AGAP1: variants seen among roughly 807,000 people sequenced by gnomAD.
The protein encoded by AGAP1 is ArfGAP with GTPase domain, ankyrin repeat and PH domain 1.
In AGAP1, 29 loss-of-function variants were observed where a neutral mutation model predicts 105.3. That is an observed-to-expected ratio of 0.28 (90% CI 0.21 to 0.38). The LOEUF is 0.38. AGAP1 is among the 10% of genes least tolerant of loss of function. The pLI, the probability that AGAP1 is intolerant of heterozygous loss-of-function variation, is 1.00. For synonymous variants in AGAP1, 509 were observed against 485.9 expected (o/e 1.05, Z -0.63); for missense variants, 998 against 1,165.1 (o/e 0.86, Z 2.09).
rs577728375 is a variant in AGAP1, at chr2:235,792,618, G to T, written c.674-5141G>T. 4.6e-5 allele frequency among the ~76,000 whole-genome samples: 7 copies of T among 152,316 alleles called. No individual in the cohort carries two copies. The South Asian group carries it at 1.4e-3, about 32-fold the overall frequency. ...AGACCAAGGCAGTGGCAGTGAAGAC[G>T]AATTTCTGAGAAACTCTGGTGGTTG... is the stretch of plus-strand genomic sequence containing the variant. On this transcript the variant is annotated intron_variant, in intron 6 of 17. Transcript: ENST00000304032. This position sits in a 1 kb window ranked among gnomAD's most constrained non-coding sequence, Gnocchi z 5.3.
chr2:235,852,765 C>T, intron 9 of AGAP1: 3 of 1,528,590 alleles, frequency 2.0e-6, no homozygotes, highest in South Asian at 2.5e-5. Flanking sequence ...CAGTCCTCCC[C>T]CTGGCCAGGG....
intron 1 of AGAP1, among the ~76,000 whole-genome samples, chr2:235,503,441 A>G (rs1008907324): frequency 9.2e-5 from 14 of 151,996 alleles, no homozygotes; most frequent in Admixed American, 1.3e-4. Flanking sequence ...TTGGGAGGGG[A>G]TGGTGTGATT....
intron 8 of AGAP1, among the ~76,000 whole-genome samples, chr2:235,802,983 A>ATGGTGGTGATGGTTG (rs1559506278): frequency 1.5e-5 from 2 of 130,574 alleles, no homozygotes; most frequent in African/African-American, 6.0e-5. Flanking sequence ...TGTGGTTGTG[A>ATGGTGGTGATGGTTG]TGGTTGTGAT....
chr2:235,968,091 G>A (rs534746067), intron 12 of AGAP1, among the ~76,000 whole-genome samples: 22 of 152,278 alleles, frequency 1.4e-4, no homozygotes, highest in African/African-American at 3.9e-4. Flanking sequence ...TAAATGCATC[G>A]TTTTCATTTC....
At chr2:236,103,477 CTTGT>C (rs1036886861) in intron 16 of AGAP1, among the ~76,000 whole-genome samples, 7 of 152,278 alleles carry the variant, frequency 4.6e-5, no homozygotes, top group South Asian at 2.1e-4. Context: ...TCCTGGGCCC[CTTGT>C]TTGTTTGTCT....
intron 1 of AGAP1, among the ~76,000 whole-genome samples, chr2:235,532,820 C>G (rs1348365516): frequency 1.3e-5 from 2 of 152,194 alleles, no homozygotes; most frequent in East Asian, 3.9e-4. Flanking sequence ...CCGTGCCATT[C>G]CCTCCTGGCA....
At chr2:235,543,122 C>CGTTGGGTGTTGGGT (rs543153121) in intron 1 of AGAP1, among the ~76,000 whole-genome samples, 11 of 143,122 alleles carry the variant, frequency 7.7e-5, no homozygotes, top group East Asian at 2.0e-4. Flanking sequence ...CCCTGCCCCT[C>CGTTGGGTGTTGGGT]GTTGGGTGTT....
intron 16 of AGAP1, among the ~76,000 whole-genome samples, chr2:236,108,526 C>A (rs1476861048): frequency 1.3e-5 from 2 of 152,164 alleles, no homozygotes; most frequent in African/African-American, 2.4e-5. Flanking sequence ...CACCTGTTGG[C>A]GGGGGCAGGG....
Position 235,799,464 on chromosome 2 carries a change from C to T in AGAP1, c.899C>T (p.Thr300Ile), listed in dbSNP as rs189491188. Residue 300 changes from threonine (T) to isoleucine (I), a missense_variant, in exon 8 of 18, where the codon ACT becomes ATT. Thr to Ile is a moderately conservative substitution (Grantham distance 89, BLOSUM62 -1). Transcript: ENST00000304032. This position sits in a 1 kb window ranked among gnomAD's most constrained non-coding sequence, Gnocchi z 5.0. ...GAACTTCGGATCGATGTTCCTCCCA[C>T]TGCCAACACGCCCACGCCCGTTCGC... Reference protein sequence around the residue: ...QKELRIDVPPTANTPTPVRKQ... With the variant: ...QKELRIDVPPIANTPTPVRKQ... The T allele has an allele frequency of 1.2e-6, 2 of 1,614,244 alleles. No homozygotes were observed. The highest frequency in any genetic ancestry group is 1.7e-5 in the Admixed American group (1 of 60,036).
At chr2:235,508,955 C>T (rs750128527) in intron 1 of AGAP1, among the ~76,000 whole-genome samples, 4 of 152,286 alleles carry the variant, frequency 2.6e-5, no homozygotes, top group African/African-American at 7.2e-5. Flanking sequence ...CCGAGTGTGT[C>T]GCCAAACTCC....
Position 235,725,601 on chromosome 2 carries a change from T to C in AGAP1, c.310+7957T>C, listed in dbSNP as rs764804204. On this transcript the variant is annotated intron_variant, in intron 3 of 17. Coordinates refer to ENST00000304032, the MANE Select transcript of AGAP1 (RefSeq NM_001037131.3). The surrounding 1 kb of genome is among the most constrained non-coding windows in gnomAD (Gnocchi z 5.7). ...TTTTCAACCTCAATTTGACCGTTAG[T>C]TGCAACCAAGTGATTATAAACACAT... Among the ~76,000 whole-genome samples the C allele has an allele frequency of 5.9e-5, 9 of 152,208 alleles. No individual in the cohort carries two copies. The highest frequency in any genetic ancestry group is 8.8e-5 in the Non-Finnish European group (6 of 68,042).
intron 9 of AGAP1, among the ~76,000 whole-genome samples, chr2:235,836,146 A>T (rs753474603): frequency 6.6e-6 from 1 of 152,234 alleles, no homozygotes; most frequent in African/African-American, 2.4e-5. Context: ...TGATTTACAT[A>T]GTGGAAAAGC....
chr2:235,667,565 C>T (rs1948166901), intron 1 of AGAP1, among the ~76,000 whole-genome samples: 2 of 152,110 alleles, frequency 1.3e-5, no homozygotes, highest in Admixed American at 1.3e-4. Context: ...CTCTGCATCT[C>T]CCTAACCAGA....
Position 236,000,591 on chromosome 2 carries a change from AC to A in AGAP1, c.1645+31970del, listed in dbSNP as rs1214643788. On this transcript the variant is annotated intron_variant, in intron 13 of 17. Coordinates refer to ENST00000304032, the MANE Select transcript of AGAP1 (RefSeq NM_001037131.3). The surrounding 1 kb of genome is among the most constrained non-coding windows in gnomAD (Gnocchi z 4.3). ...TGCTCTGTGCAGAGGCTGGGCGAAC[AC>A]CAGCCCGAGCCTGACTTAAGCAGGA... is the stretch of plus-strand genomic sequence containing the variant. 6.6e-6 allele frequency among the ~76,000 whole-genome samples: 1 copy of A among 152,106 alleles called. No individual in the cohort carries two copies. The highest frequency in any genetic ancestry group is 2.4e-5 in the African/African-American group (1 of 41,424).
intron 1 of AGAP1, among the ~76,000 whole-genome samples, chr2:235,572,491 T>C (rs1944561374): frequency 6.6e-6 from 1 of 152,220 alleles, no homozygotes; most frequent in African/African-American, 2.4e-5. Context: ...GTCCTCTAGA[T>C]GTCCTGCCTC....
At chr2:235,745,881 A>G (rs1952889263) in intron 5 of AGAP1, among the ~76,000 whole-genome samples, 1 of 152,206 alleles carries the variant, frequency 6.6e-6, no homozygotes, top group Non-Finnish European at 1.5e-5. Flanking sequence ...TAATTCCAGC[A>G]CTTTGGGAGG....
chr2:235,652,497 G>T (rs1439407621), intron 1 of AGAP1, among the ~76,000 whole-genome samples: 1 of 152,176 alleles, frequency 6.6e-6, no homozygotes, highest in Admixed American at 6.5e-5. Context: ...ATCTGTCTGG[G>T]GGTGGAGAGC....
chr2:235,601,477 G>T lies in AGAP1; in HGVS notation c.163+106628G>T, dbSNP rs764749465. Among the ~76,000 whole-genome samples the T allele has an allele frequency of 6.6e-6, 1 of 152,214 alleles. No homozygotes were observed. Among genetic ancestry groups the T allele is most frequent in the Non-Finnish European group, 1.5e-5 (1 of 68,048 alleles). On this transcript the variant is annotated intron_variant, in intron 1 of 17. Coordinates refer to ENST00000304032, the MANE Select transcript of AGAP1 (RefSeq NM_001037131.3). The surrounding 1 kb of genome is among the most constrained non-coding windows in gnomAD (Gnocchi z 4.4). ...GCTGGGGAGGCCTCACAGTCATGGCGGAAGGTGAATGAGGAGCAAAGTTAC... is the reference window on the plus strand; with the variant it reads ...GCTGGGGAGGCCTCACAGTCATGGCTGAAGGTGAATGAGGAGCAAAGTTAC...
intron 1 of AGAP1, among the ~76,000 whole-genome samples, chr2:235,594,362 G>A (rs998558609): frequency 1.3e-5 from 2 of 151,638 alleles, no homozygotes; most frequent in African/African-American, 4.8e-5. Context: ...CAGAGGTAGC[G>A]TCTCCTCCTC....
Sources: allele counts gnomAD v4.1 joint callset (sites outside exome capture counted in the v4.1 genomes callset), GRCh38; gene constraint gnomAD v4.1.1; non-coding constraint Gnocchi (gnomAD v3.1); transcripts MANE v1.5; gene names NCBI Gene and HGNC (gene_info 2026-07-23, HGNC 2026-07-21).